GALNT2: variants seen among roughly 807,000 people sequenced by gnomAD.
GALNT2 encodes the protein polypeptide N-acetylgalactosaminyltransferase 2, also known as UDP-GalNAc:polypeptide N-acetylgalactosaminyltransferase 2.
A neutral mutation model predicts 81.4 loss-of-function variants in GALNT2; 31 were observed. That is an observed-to-expected ratio of 0.38 (90% CI 0.29 to 0.51). The LOEUF (loss-of-function observed/expected upper bound fraction) is 0.51. Ranked by LOEUF, GALNT2 falls within the 20% of genes least tolerant of loss-of-function variation. The pLI, the probability that GALNT2 is intolerant of heterozygous loss-of-function variation, is 0.87. For synonymous variants in GALNT2, 303 were observed against 287.4 expected, an observed-to-expected ratio of 1.05 and a Z score of -0.55; for missense variants, 629 against 765.7, an observed-to-expected ratio of 0.82 and a Z score of 2.11.
chr1:230,253,856 T>C (rs1665624643), intron 10 of GALNT2, among the ~76,000 whole-genome samples: 1 of 152,204 alleles, frequency 6.6e-6, no homozygotes. Context: ...TATCCTCCGT[T>C]ATACTTTTTA....
chr1:230,169,264 G>A (rs935960633), intron 1 of GALNT2, among the ~76,000 whole-genome samples: 18 of 152,176 alleles, frequency 1.2e-4, no homozygotes, highest in African/African-American at 4.3e-4. Context: ...TTAATGATGG[G>A]ACTTAATGTC....
Position 230,279,331 on chromosome 1 carries a change from A to G in GALNT2, c.1589A>G (p.Lys530Arg), listed in dbSNP as rs1186054078. 1 of 1,614,124 alleles carries G rather than the reference A, an allele frequency of 6.2e-7. No individual in the cohort carries two copies. The highest frequency in any genetic ancestry group is 8.5e-7 in the Non-Finnish European group (1 of 1,180,002). ...QKWEQIEGNSKLRHVGSNLCL... is the reference protein window; with the variant it reads ...QKWEQIEGNSRLRHVGSNLCL... ...TGGGAACAGATCGAGGGCAACTCCA[A>G]GCTGAGGCACGTGGGCAGCAACCTG... Residue 530 changes from lysine to arginine, a missense_variant, in exon 16 of 16, where the codon AAG becomes AGG. This residue lies in a region of GALNT2 where 207 missense variants were observed against 225.5 expected (regional missense o/e 0.92). Coordinates refer to ENST00000366672, the MANE Select transcript of GALNT2 (RefSeq NM_004481.5). The surrounding 1 kb of genome is among the most constrained non-coding windows in gnomAD (Gnocchi z 4.6).
intron 1 of GALNT2, among the ~76,000 whole-genome samples, chr1:230,147,913 G>A (rs1433259050): frequency 6.6e-6 from 1 of 152,218 alleles, no homozygotes; most frequent in Non-Finnish European, 1.5e-5. Flanking sequence ...GTTGGCAGTG[G>A]TAGATGCTCC....
intron 3 of GALNT2, among the ~76,000 whole-genome samples, chr1:230,233,441 C>T (rs541554894): frequency 6.6e-6 from 1 of 152,110 alleles, no homozygotes; most frequent in Non-Finnish European, 1.5e-5. Flanking sequence ...GGTGAAACCA[C>T]GTCTCTACTA....
rs1436305458 is a variant in GALNT2 at position 230,193,171 on chromosome 1, G to T, written c.221-9966G>T. Among the ~76,000 whole-genome samples, 4 of 152,196 alleles carry T rather than the reference G, an allele frequency of 2.6e-5. No homozygotes were observed. Among genetic ancestry groups the T allele is most frequent in the African/African-American group, 9.7e-5 (4 of 41,436 alleles). ...CTCTGTTTTACGTGGGGTAGCTTTAGATTTGTTTAAGCTGTCTTTCCTGGG... is the reference window on the plus strand; with the variant it reads ...CTCTGTTTTACGTGGGGTAGCTTTATATTTGTTTAAGCTGTCTTTCCTGGG... On this transcript the variant is annotated intron_variant, in intron 2 of 15. Transcript: ENST00000366672. The surrounding 1 kb of genome is among the most constrained non-coding windows in gnomAD (Gnocchi z 4.3).
intron 1 of GALNT2, among the ~76,000 whole-genome samples, chr1:230,150,240 G>A (rs1011961870): frequency 2.6e-5 from 4 of 152,190 alleles, no homozygotes; most frequent in Admixed American, 6.5e-5. Context: ...GTGTGCTGCC[G>A]TTTTTCTGTA....
At chr1:230,140,908 T>C (rs1661709717) in intron 1 of GALNT2, among the ~76,000 whole-genome samples, 1 of 152,228 alleles carries the variant, frequency 6.6e-6, no homozygotes, top group South Asian at 2.1e-4. Flanking sequence ...CAAGTGATAG[T>C]GTGGAAGGGA....
intron 1 of GALNT2, among the ~76,000 whole-genome samples, chr1:230,074,478 G>C (rs1659472943): frequency 6.6e-6 from 1 of 152,146 alleles, no homozygotes. Context: ...TCCCACCCCT[G>C]ATCTTCCAAG....
chr1:230,178,507 G>A (rs1470254980), intron 2 of GALNT2, among the ~76,000 whole-genome samples, 196 bp downstream of exon 2: 1 of 152,144 alleles, frequency 6.6e-6, no homozygotes, highest in Non-Finnish European at 1.5e-5. Context: ...TTTATAGGAG[G>A]TGACCAAAAT....
chr1:230,261,889 T>C (rs1665886608), intron 11 of GALNT2: 1 of 152,066 alleles, frequency 6.6e-6, no homozygotes, highest in Non-Finnish European at 1.5e-5. Context: ...TACATGCCTA[T>C]AGTCCCAGCT....
intron 1 of GALNT2, among the ~76,000 whole-genome samples, chr1:230,167,352 G>A (rs931836590): frequency 6.6e-6 from 1 of 152,166 alleles, no homozygotes; most frequent in Non-Finnish European, 1.5e-5. Flanking sequence ...TCACCACGTT[G>A]CCCAGGCTGG....
intron 1 of GALNT2, among the ~76,000 whole-genome samples, chr1:230,144,439 C>T (rs1661847925): frequency 1.3e-5 from 2 of 152,172 alleles, no homozygotes. Context: ...CTCAGAGTAG[C>T]CGGTGCCTGC....
intron 14 of GALNT2, among the ~76,000 whole-genome samples, chr1:230,266,999 C>CAG (rs1666054240): frequency 6.8e-6 from 1 of 147,020 alleles, no homozygotes; most frequent in Admixed American, 6.7e-5. Flanking sequence ...GACACACACA[C>CAG]ACACACACAC....
intron 1 of GALNT2, among the ~76,000 whole-genome samples, chr1:230,128,707 G>A (rs1441676542): frequency 6.6e-6 from 1 of 152,110 alleles, no homozygotes; most frequent in Non-Finnish European, 1.5e-5. Flanking sequence ...CTGAGTGTTG[G>A]CTGGGAGGCA....
chr1:230,158,120 A>G (rs1421559765), intron 1 of GALNT2, among the ~76,000 whole-genome samples: 2 of 152,330 alleles, frequency 1.3e-5, no homozygotes, highest in South Asian at 2.1e-4. Flanking sequence ...CTGTGACTCC[A>G]GAGGCATTGA....
chr1:230,129,466 T>G (rs1175373040), intron 1 of GALNT2, among the ~76,000 whole-genome samples: 1 of 152,146 alleles, frequency 6.6e-6, no homozygotes, highest in East Asian at 1.9e-4. Context: ...TATAGGTGTT[T>G]GCCACCATGT....
intron 1 of GALNT2, among the ~76,000 whole-genome samples, chr1:230,158,362 A>G (rs1181623414): frequency 6.6e-6 from 1 of 152,242 alleles, no homozygotes; most frequent in African/African-American, 2.4e-5. Context: ...AGACCTGATT[A>G]CATTATATAT....
chr1:230,109,969 GT>G (rs1215505861), intron 1 of GALNT2, among the ~76,000 whole-genome samples: 1 of 152,184 alleles, frequency 6.6e-6, no homozygotes, highest in East Asian at 1.9e-4. Flanking sequence ...TTCTGTTTCT[GT>G]TTCCTGTCAC....
intron 2 of GALNT2, among the ~76,000 whole-genome samples, chr1:230,195,480 G>A (rs183587978): frequency 2.0e-5 from 3 of 152,188 alleles, no homozygotes; most frequent in African/African-American, 7.2e-5. Flanking sequence ...CAGCAGCTAG[G>A]GACCCCAGGG....
Sources: allele counts gnomAD v4.1 joint callset (sites outside exome capture counted in the v4.1 genomes callset), GRCh38; gene constraint gnomAD v4.1.1; regional missense constraint gnomAD v4.1.1; non-coding constraint Gnocchi (gnomAD v3.1); transcripts MANE v1.5; gene names NCBI Gene and HGNC (gene_info 2026-07-23, HGNC 2026-07-21).